Variants in ARID3A observed in about 807,000 individuals in gnomAD.
ARID3A encodes the protein AT-rich interactive domain-containing protein 3A.
ARID3A carries 11 observed loss-of-function variants against 52.7 expected under a neutral mutation model. The observed-to-expected ratio is 0.21, with a 90% confidence interval of 0.13 to 0.35. The LOEUF (loss-of-function observed/expected upper bound fraction) is 0.35, where lower values mean the gene tolerates loss of function less well. Ranked by LOEUF, ARID3A falls within the 10% of genes least tolerant of loss-of-function variation. The probability of loss-of-function intolerance (pLI) is 1.00; values close to 1 mark genes in which losing one functional copy is unlikely to be tolerated. For synonymous variants in ARID3A, 404 were observed against 359.4 expected, an observed-to-expected ratio of 1.12 and a Z score of -1.40; for missense variants, 721 against 838.5, an observed-to-expected ratio of 0.86 and a Z score of 1.73.
In ARID3A at chr19:964,581, A is replaced by G. The variant is rs1446016344; in HGVS notation, c.950+150A>G. On this transcript the variant is annotated intron_variant, in intron 5 of 8. Transcript: ENST00000263620. The surrounding 1 kb of genome is among the most constrained non-coding windows in gnomAD (Gnocchi z 5.7). ...GGGCACAGGGCCACACCGTGCGTCC[A>G]GGGCCCGAGAGCGTCAAGTAGGGGT... The G allele has an allele frequency of 8.1e-6, 10 of 1,240,102 alleles. No individual in the cohort carries two copies. In the Admixed American group the frequency reaches 1.9e-4, roughly 24 times the overall value. 76.8% of individuals were successfully genotyped at this position (1,240,102 alleles called of 1,614,324 possible).
intron 3 of ARID3A, among the ~76,000 whole-genome samples, chr19:935,616 T>G (rs1240451297): frequency 6.6e-6 from 1 of 152,152 alleles, no homozygotes; most frequent in East Asian, 1.9e-4. Context: ...TAGCTGCGAG[T>G]ACAGACGGGC....
At chr19:934,466 G>A (rs2037398768) in intron 3 of ARID3A, among the ~76,000 whole-genome samples, 1 of 152,234 alleles carries the variant, frequency 6.6e-6, no homozygotes, top group Non-Finnish European at 1.5e-5. Context: ...GGTCAGGGTT[G>A]TAGGTGCCAT....
At chr19:971,763 G>A in intron 8 of ARID3A, 115 bp from the exon 9 acceptor site, 1 of 1,323,932 alleles carries the variant, frequency 7.6e-7, no homozygotes, top group South Asian at 1.5e-5. Flanking sequence ...CTCTAGCCTG[G>A]GGGACAGAGT....
chr19:969,480 T>A (rs1035947559), intron 8 of ARID3A, among the ~76,000 whole-genome samples: 14 of 150,418 alleles, frequency 9.3e-5, no homozygotes, highest in African/African-American at 3.4e-4. Context: ...GAGGTTGCAG[T>A]GAGTCAAGAT....
At position 948,434 on chromosome 19, in the gene ARID3A, G is replaced by A. The variant is rs540764419; in HGVS notation, c.694-11658G>A. Among the ~76,000 whole-genome samples, 28 of 152,276 alleles carry A rather than the reference G, an allele frequency of 1.8e-4. No homozygotes were observed. The South Asian group carries it at 4.3e-3, about 24-fold the overall frequency. On this transcript the variant is annotated intron_variant, in intron 3 of 8. Coordinates refer to ENST00000263620, the MANE Select transcript of ARID3A (RefSeq NM_005224.3). The stretch of plus-strand genomic sequence containing the variant: ...AAATCCCCCGGCCTCCCGGGGCCGC[G>A]GTCCTGCGGGGCCACAGCGCCAGCT...
In ARID3A at chr19:959,969, G is replaced by A. The variant is rs1599418288; in HGVS notation, c.694-123G>A. On this transcript the variant is annotated intron_variant, in intron 3 of 8. Coordinates refer to ENST00000263620, the MANE Select transcript of ARID3A (RefSeq NM_005224.3). This position sits in a 1 kb window ranked among gnomAD's most constrained non-coding sequence, Gnocchi z 5.0. ...GGGTCTTCGGCTCTGGCAGCGGCTT[G>A]AGGGTCCTAGGGGTGGTGACCCCTG... 1 of 696,884 alleles carries A rather than the reference G, an allele frequency of 1.4e-6. No individual in the cohort carries two copies. Among genetic ancestry groups the A allele is most frequent in the East Asian group, 3.2e-5 (1 of 31,152 alleles). 43.2% of individuals were successfully genotyped at this position (696,884 alleles called of 1,614,324 possible).
At position 944,079 on chromosome 19, in the gene ARID3A, CCT is replaced by C. The variant is rs1254033356; in HGVS notation, c.693+11341_693+11342del. 6.7e-6 allele frequency among the ~76,000 whole-genome samples: 1 copy of C among 150,298 alleles called. No individual in the cohort carries two copies. The highest frequency in any genetic ancestry group is 1.5e-5 in the Non-Finnish European group (1 of 67,628). On this transcript the variant is annotated intron_variant, in intron 3 of 8. Coordinates refer to ENST00000263620, the MANE Select transcript of ARID3A (RefSeq NM_005224.3). This position sits in a 1 kb window ranked among gnomAD's most constrained non-coding sequence, Gnocchi z 5.9. ...CGGGGCATCTGTATGCCAGCCCGAC[CCT>C]CTCATGGGCACCTACAGGGTACCTG... is the stretch of plus-strand genomic sequence containing the variant.
intron 3 of ARID3A, among the ~76,000 whole-genome samples, chr19:949,406 G>A (rs1303538908): frequency 1.3e-5 from 2 of 152,174 alleles, no homozygotes; most frequent in Non-Finnish European, 2.9e-5. Context: ...GGGGGTGGGG[G>A]GCTGGGGGTG....
rs1184507280 is a variant in ARID3A at position 959,342 on chromosome 19, C to T, written c.694-750C>T. 1.3e-5 allele frequency among the ~76,000 whole-genome samples: 2 copies of T among 152,110 alleles called. No individual in the cohort carries two copies. Among genetic ancestry groups the T allele is most frequent in the African/African-American group, 2.4e-5 (1 of 41,424 alleles). ...AGGCTGGAGTGCAGTGGTGCGGTCT[C>T]GGCTCACTTCAGCCTCCACTGCCCA... On this transcript the variant is annotated intron_variant, in intron 3 of 8. Transcript: ENST00000263620. The surrounding 1 kb of genome is among the most constrained non-coding windows in gnomAD (Gnocchi z 5.0).
intron 6 of ARID3A, among the ~76,000 whole-genome samples, chr19:965,848 C>T (rs1364052388): frequency 2.0e-5 from 3 of 151,708 alleles, no homozygotes; most frequent in Non-Finnish European, 2.9e-5. Context: ...AAAAATTAGC[C>T]GGGTGTGGTG....
intron 1 of ARID3A, among the ~76,000 whole-genome samples, chr19:926,740 C>A (rs548774548): frequency 1.3e-5 from 2 of 151,746 alleles, no homozygotes; most frequent in South Asian, 4.2e-4. Flanking sequence ...GAAGAGCCCC[C>A]TGACCCGTTT....
chr19:935,392 C>T (rs2037418517), intron 3 of ARID3A, among the ~76,000 whole-genome samples: 1 of 152,202 alleles, frequency 6.6e-6, no homozygotes. Context: ...TCTCAGCCTC[C>T]TGATGTCTGA....
intron 8 of ARID3A, 26 bp downstream of exon 8, chr19:968,529 C>T (rs1298315797): frequency 6.2e-7 from 1 of 1,605,740 alleles, no homozygotes; most frequent in East Asian, 2.2e-5. Flanking sequence ...CCACGCCCTG[C>T]CTGGACCTCG....
chr19:970,927 A>G (rs1181690938), intron 8 of ARID3A, among the ~76,000 whole-genome samples: 1 of 152,086 alleles, frequency 6.6e-6, no homozygotes, highest in Non-Finnish European at 1.5e-5. Context: ...CAGGTCCACA[A>G]ATGGATTTTT....
intron 3 of ARID3A, among the ~76,000 whole-genome samples, chr19:936,958 T>C (rs970050143): frequency 6.6e-6 from 1 of 152,130 alleles, no homozygotes; most frequent in Admixed American, 6.5e-5. Context: ...TGGCCTGTTC[T>C]GGACATTTTA....
At position 942,404 on chromosome 19, in the gene ARID3A, G is replaced by A. The variant is rs535999623; in HGVS notation, c.693+9662G>A. Among the ~76,000 whole-genome samples the A allele has an allele frequency of 4.6e-5, 7 of 152,292 alleles. No homozygotes were observed. The South Asian group carries it at 1.2e-3, about 27-fold the overall frequency. ...CTCAAGGTCCTCTCCACTGGCCGCC[G>A]GGAGCCGGGCCGGGAGCCGCTGCGG... On this transcript the variant is annotated intron_variant, in intron 3 of 8. Transcript: ENST00000263620. The surrounding 1 kb of genome is among the most constrained non-coding windows in gnomAD (Gnocchi z 8.1).
At chr19:935,120 G>T (rs528978224) in intron 3 of ARID3A, among the ~76,000 whole-genome samples, 3 of 152,326 alleles carry the variant, frequency 2.0e-5, no homozygotes, top group African/African-American at 7.2e-5. Context: ...GGCCTGGCCC[G>T]CTGGCCGGCC....
At chr19:936,353 C>G (rs76112584) in intron 3 of ARID3A, among the ~76,000 whole-genome samples, 31,925 of 151,974 alleles carry the variant, frequency 0.21, 4,041 homozygotes, top group East Asian at 0.47. Context: ...AGGAGTTCTA[C>G]ACCAGCCTGG....
intron 3 of ARID3A, among the ~76,000 whole-genome samples, chr19:955,107 A>G (rs1166578795): frequency 1.3e-5 from 2 of 152,150 alleles, no homozygotes; most frequent in African/African-American, 4.8e-5. Flanking sequence ...GGTGAGAACC[A>G]AGGCCTGGGT....
Sources: allele counts gnomAD v4.1 joint callset (sites outside exome capture counted in the v4.1 genomes callset), GRCh38; gene constraint gnomAD v4.1.1; non-coding constraint Gnocchi (gnomAD v3.1); transcripts MANE v1.5; gene names NCBI Gene and HGNC (gene_info 2026-07-23, HGNC 2026-07-21).